PCID2: variants seen among roughly 807,000 people sequenced by gnomAD.
The protein encoded by PCID2 is PCI domain containing 2, also known as PCI domain-containing protein 2.
A neutral mutation model predicts 61.3 loss-of-function variants in PCID2; 41 were observed. That is an observed-to-expected ratio of 0.67 (90% CI 0.52 to 0.87). The LOEUF is 0.87. PCID2 is among the 40% of genes least tolerant of loss of function. The probability of loss-of-function intolerance (pLI) is 0.00; values close to 1 mark genes in which losing one functional copy is unlikely to be tolerated. For synonymous variants in PCID2, 187 were observed against 177.8 expected, an observed-to-expected ratio of 1.05 and a Z score of -0.41; for missense variants, 392 against 493.4, an observed-to-expected ratio of 0.79 and a Z score of 1.95.
chr13:113,197,189 G>C lies in PCID2; in HGVS notation c.255C>G (p.Thr85=). 1 of 1,614,096 alleles carries C rather than the reference G, an allele frequency of 6.2e-7. No homozygotes were observed. Residue 85 remains threonine (T), a synonymous_variant, in exon 4 of 14, where the codon ACC becomes ACG. Coordinates refer to ENST00000337344, the MANE Select transcript of PCID2 (RefSeq NM_001127202.4). ...ACGACAAAGGATATTGGACTATCAC[G>C]GTCTGGCACTTGTATGCCTCTATGA... ...HDFIEAYKCQ[T]VIVQSFLRAF...
intron 4 of PCID2, 69 bp downstream of exon 4, chr13:113,197,109 G>A (rs2039073791): frequency 1.2e-6 from 2 of 1,614,140 alleles, no homozygotes; most frequent in Non-Finnish European, 1.7e-6. Context: ...GTGTTTCCGG[G>A]TCTCAAGTCC....
chr13:113,180,970 G>C (rs1393926741), intron 10 of PCID2, among the ~76,000 whole-genome samples, 160 bp downstream of exon 10: 1 of 152,242 alleles, frequency 6.6e-6, no homozygotes, highest in East Asian at 1.9e-4. Flanking sequence ...CTGGGTTTGG[G>C]CCACACACAA....
At chr13:113,193,699 C>T (rs1471044356) in intron 6 of PCID2, among the ~76,000 whole-genome samples, 2 of 152,036 alleles carry the variant, frequency 1.3e-5, no homozygotes, top group African/African-American at 4.8e-5. Context: ...TAAAAGCTTT[C>T]TGAGGTCTTC....
chr13:113,196,448 T>G (rs760085107), intron 4 of PCID2, among the ~76,000 whole-genome samples: 1 of 152,226 alleles, frequency 6.6e-6, no homozygotes, highest in Non-Finnish European at 1.5e-5. Flanking sequence ...ACACACTGTC[T>G]CCTAAATAAA....
chr13:113,165,236 C>A, the PCID2 span: 7 of 1,073,508 alleles, frequency 6.5e-6, no homozygotes, highest in African/African-American at 9.4e-5. Context: ...CTTTGATGGG[C>A]TACTGACTGC....
intron 1 of PCID2, among the ~76,000 whole-genome samples, chr13:113,202,618 T>C (rs1054173598): frequency 1.3e-5 from 2 of 152,176 alleles, no homozygotes; most frequent in African/African-American, 2.4e-5. Flanking sequence ...AAAAAGCAAG[T>C]TGTAAAAGAG....
chr13:113,197,189 G>T lies in PCID2; in HGVS notation c.255C>A (p.Thr85=). The change falls in exon 4 of 14, where the codon ACC becomes ACA. Residue 85 remains threonine, a synonymous_variant. Coordinates refer to ENST00000337344, the MANE Select transcript of PCID2 (RefSeq NM_001127202.4). ...HDFIEAYKCQ[T]VIVQSFLRAF... is the part of the protein sequence containing the mutation. ...ACGACAAAGGATATTGGACTATCAC[G>T]GTCTGGCACTTGTATGCCTCTATGA... The T allele has an allele frequency of 6.2e-7, 1 of 1,614,096 alleles. No homozygotes were observed. The highest frequency in any genetic ancestry group is 8.5e-7 in the Non-Finnish European group (1 of 1,179,974).
At chr13:113,197,084 T>C in intron 4 of PCID2, 94 bp downstream of exon 4, 1 of 1,614,228 alleles carries the variant, frequency 6.2e-7, no homozygotes. Context: ...ACTGCAGAAA[T>C]GAGCAACTGG....
At chr13:113,174,393 A>G (rs2037159225), downstream of PCID2, among the ~76,000 whole-genome samples, 1 of 152,236 alleles carries the variant, frequency 6.6e-6, no homozygotes. Flanking sequence ...TTCAAAATGA[A>G]GTAACTACTC....
chr13:113,201,274 T>C (rs2039407236), intron 1 of PCID2, among the ~76,000 whole-genome samples: 1 of 151,718 alleles, frequency 6.6e-6, no homozygotes, highest in Non-Finnish European at 1.5e-5. Flanking sequence ...AATATGATGA[T>C]TAAATGAAAA....
the PCID2 span, chr13:113,171,885 G>A: frequency 6.2e-7 from 1 of 1,613,698 alleles, no homozygotes. The surrounding 1 kb of genome is among the most constrained non-coding windows in gnomAD (Gnocchi z 5.1). Flanking sequence ...GAGGAGTGCG[G>A]GCAGGTCCTG....
At chr13:113,172,162 C>A in the PCID2 span, 1 of 1,592,806 alleles carries the variant, frequency 6.3e-7, no homozygotes, top group Admixed American at 1.7e-5. Context: ...TCCAAGCTGG[C>A]ACTGCCACTG....
downstream of PCID2, among the ~76,000 whole-genome samples, chr13:113,175,992 G>A (rs1318365831): frequency 2.6e-5 from 4 of 152,320 alleles, no homozygotes; most frequent in South Asian, 6.2e-4. Context: ...AGGCCCATTC[G>A]GGCCCCAGAA....
chr13:113,193,308 CTA>C lies in PCID2; in HGVS notation c.363+1761_363+1762del, dbSNP rs1386650982. On this transcript the variant is annotated intron_variant, in intron 6 of 13. Coordinates refer to ENST00000337344, the MANE Select transcript of PCID2 (RefSeq NM_001127202.4). ...AAAAAAACTGCCTCTTGGAGTTTTCCTATATAGAGTCAAAGAATTATCTCAAT... is the reference window on the plus strand; with the variant it reads ...AAAAAAACTGCCTCTTGGAGTTTTCCTATAGAGTCAAAGAATTATCTCAAT... Among the ~76,000 whole-genome samples, 5 of 152,142 alleles carry C rather than the reference CTA, an allele frequency of 3.3e-5. No individual in the cohort carries two copies. The East Asian group carries it at 9.7e-4, about 29-fold the overall frequency.
At chr13:113,198,379 A>G in intron 2 of PCID2, 115 bp from the exon 3 acceptor site, 1 of 671,056 alleles carries the variant, frequency 1.5e-6, no homozygotes, top group South Asian at 1.9e-5. Flanking sequence ...TACAGTTCAC[A>G]GTAACACTTT....
In PCID2 at chr13:113,184,448, T is replaced by G; in HGVS notation, c.583A>C (p.Ile195Leu). 1 of 1,591,182 alleles carries G rather than the reference T, an allele frequency of 6.3e-7. No individual in the cohort carries two copies. Among genetic ancestry groups the G allele is most frequent in the Non-Finnish European group, 8.6e-7 (1 of 1,158,986 alleles). ...LHLCKPLIRAIDSSNLKDDYS... is the reference protein window; with the variant it reads ...LHLCKPLIRALDSSNLKDDYS... Reference sequence around the variant, plus strand: ...TCGTCTTTCAGGTTTGAGCTGTCAATTGCTCTAATTAGGGGTTTACATAAA... The same window carrying G: ...TCGTCTTTCAGGTTTGAGCTGTCAAGTGCTCTAATTAGGGGTTTACATAAA... Residue 195 changes from isoleucine (I) to leucine (L), a missense_variant, in exon 9 of 14, where the codon ATT becomes CTT. Around this residue, in one of 3 missense-constraint regions of PCID2, gnomAD observed 226 missense variants for 296.5 expected, o/e 0.76. Transcript: ENST00000337344.
At chr13:113,197,057 A>G (rs1437765345) in intron 4 of PCID2, 121 bp downstream of exon 4, 6 of 1,614,124 alleles carry the variant, frequency 3.7e-6, no homozygotes, top group Non-Finnish European at 5.1e-6. Context: ...GTTCCAAAAC[A>G]CTGTCATTCC....
the PCID2 span, among the ~76,000 whole-genome samples, chr13:113,171,118 T>C: frequency 6.6e-6 from 1 of 152,098 alleles, no homozygotes; most frequent in East Asian, 1.9e-4. The surrounding 1 kb of genome is among the most constrained non-coding windows in gnomAD (Gnocchi z 5.1). Flanking sequence ...GAAATGGGGT[T>C]TTGCTATGTT....
intron 6 of PCID2, among the ~76,000 whole-genome samples, chr13:113,194,083 A>T (rs2038820944): frequency 6.6e-6 from 1 of 152,168 alleles, no homozygotes. Context: ...GGGGAGGTCT[A>T]GGTCCCCTGC....
Sources: allele counts gnomAD v4.1 joint callset (sites outside exome capture counted in the v4.1 genomes callset), GRCh38; gene constraint gnomAD v4.1.1; regional missense constraint gnomAD v4.1.1; non-coding constraint Gnocchi (gnomAD v3.1); transcripts MANE v1.5; gene names NCBI Gene and HGNC (gene_info 2026-07-23, HGNC 2026-07-21).